The following KDM5C variants were observed in gnomAD, a reference collection of about 807,000 sequenced individuals.
KDM5C encodes the protein lysine-specific demethylase 5C.
In KDM5C, 16 loss-of-function variants were observed where a neutral mutation model predicts 110.6. The ratio of observed to expected loss-of-function variants is 0.14; its 90% CI spans 0.10 to 0.22. The LOEUF (loss-of-function observed/expected upper bound fraction) is 0.22. KDM5C is among the 10% of genes least tolerant of loss of function. KDM5C has a pLI of 1.00. For missense variants in KDM5C, 681 were observed against 1,300.9 expected (o/e 0.52, Z 7.33); for synonymous variants, 511 against 520.4 (o/e 0.98, Z 0.24).
At chrX:53,216,280 T>C in intron 5 of KDM5C, 83 bp from the exon 6 acceptor site, 9 of 1,152,308 alleles carry the variant, frequency 7.8e-6, no homozygotes, top group Non-Finnish European at 9.4e-6. Flanking sequence ...TCGGACTACA[T>C]ATCACCTGAT....
chrX:53,195,874 A>G (rs1556836301), intron 20 of KDM5C, 42 bp downstream of exon 20: 1 of 1,192,485 alleles, frequency 8.4e-7, no homozygotes, highest in Admixed American at 2.2e-5. Context: ...ATCTCTTCCC[A>G]GCTGGACTGA....
At chrX:53,220,334 C>G (rs2073862136) in intron 2 of KDM5C, among the ~76,000 whole-genome samples, 1 of 111,884 alleles carries the variant, frequency 8.9e-6, no homozygotes, top group Non-Finnish European at 1.9e-5. Flanking sequence ...GACCCCTGGC[C>G]AAGTCTCTAA....
Position 53,217,783 on chromosome X carries a change from G to C in KDM5C, c.522+13C>G, listed in dbSNP as rs1569279962. On this transcript the variant is annotated intron_variant, in intron 4 of 25. Coordinates refer to ENST00000375401, the MANE Select transcript of KDM5C (RefSeq NM_004187.5). ...GGGTAAAGCCGCACCCTGCCCCACT[G>C]TGACATCCTTACCACAAGGTTGGCT... The C allele has an allele frequency of 1.7e-6, 2 of 1,210,282 alleles. No individual in the cohort carries two copies. Among genetic ancestry groups the C allele is most frequent in the Non-Finnish European group, 2.2e-6 (2 of 894,107 alleles).
chrX:53,204,652 A>G (rs1273304667), intron 12 of KDM5C, among the ~76,000 whole-genome samples: 1 of 111,000 alleles, frequency 9.0e-6, no homozygotes, highest in Non-Finnish European at 1.9e-5. Context: ...ATCCGCCACC[A>G]TGCCCGGCTA....
At chrX:53,195,126 T>C in intron 21 of KDM5C, 58 bp from the exon 22 acceptor site, 1 of 1,182,141 alleles carries the variant, frequency 8.5e-7, no homozygotes, top group Admixed American at 2.3e-5. Context: ...CCCCGCCTCC[T>C]TCCCTCCCTG....
At position 53,194,303 on chromosome X, in the gene KDM5C, C is replaced by T. The variant is rs782288948; in HGVS notation, c.3874G>A (p.Ala1292Thr). Residue 1292 changes from alanine to threonine, a missense_variant, in exon 23 of 26, where the codon GCC becomes ACC. Transcript: ENST00000375401. Reference sequence around the variant, plus strand: ...TCTTCAGAGGCCAGAGCCTGCCTGGCGCGGCCTTGCCAGCTGATGGCCCTC... The same window carrying T: ...TCTTCAGAGGCCAGAGCCTGCCTGGTGCGGCCTTGCCAGCTGATGGCCCTC... ...TERAISWQGR[A>T]RQALASEDVT... 2.5e-6 allele frequency: 3 copies of T among 1,212,080 alleles called. No homozygotes were observed. The highest frequency in any genetic ancestry group is 1.1e-6 in the Non-Finnish European group (1 of 895,450).
chrX:53,198,630 T>C lies in KDM5C; in HGVS notation c.2376A>G (p.Glu792=). ...CTTCAGACTCTAGTGCCCTCAGTTCTTCAAGGCCTGGAAGAAAAATGAGGG... is the reference window on the plus strand; with the variant it reads ...CTTCAGACTCTAGTGCCCTCAGTTCCTCAAGGCCTGGAAGAAAAATGAGGG... The part of the protein sequence containing the change: ...EVEDGRKRSL[E]ELRALESEAR... Residue 792 remains glutamate (E), a synonymous_variant, in exon 17 of 26, where the codon GAA becomes GAG. Transcript: ENST00000375401. The C allele has an allele frequency of 8.3e-7, 1 of 1,211,845 alleles. No individual in the cohort carries two copies.
chrX:53,192,881 C>CCCCCCCCACAAACA lies in KDM5C; in HGVS notation c.*85_*86insTGTTTGTGGGGGGG. 9.5e-7 allele frequency: 1 copy of CCCCCCCCACAAACA among 1,054,430 alleles called. No homozygotes were observed. Among genetic ancestry groups the CCCCCCCCACAAACA allele is most frequent in the Non-Finnish European group, 1.2e-6 (1 of 802,814 alleles). The allele number at this position is 1,054,430 out of a possible 1,213,427, so 86.9% of individuals were successfully genotyped here. A position where few individuals can be genotyped will look rare whatever the true frequency, so the allele number is the denominator to read the frequency against. ...TGGCCACCCCCCTACCCGCCCACCCCCCAAGAAGCAGGCTTGATGGTCAGA... is the reference window on the plus strand; with the variant it reads ...TGGCCACCCCCCTACCCGCCCACCCCCCCCCCCACAAACACCAAGAAGCAGGCTTGATGGTCAGA... On this transcript the variant is annotated 3_prime_UTR_variant, in exon 26 of 26. Transcript: ENST00000375401.
chrX:53,177,188 A>G (rs56766251), intron 25 of KDM5C, among the ~76,000 whole-genome samples: 1,326 of 111,263 alleles, frequency 0.012, 21 homozygotes, highest in African/African-American at 0.041. Context: ...ACTGTTCTAA[A>G]GCTTTTAAAT....
chrX:53,178,709 G>A (rs1331815510), intron 25 of KDM5C, among the ~76,000 whole-genome samples: 11 of 112,516 alleles, frequency 9.8e-5, no homozygotes, highest in African/African-American at 3.2e-4. Context: ...CCTTGGGTAT[G>A]GCAATAACTT....
rs954001000 is a variant in KDM5C, at chrX:53,193,659, G to A, written c.4118-23C>T. On this transcript the variant is annotated intron_variant, in intron 24 of 25. Coordinates refer to ENST00000375401, the MANE Select transcript of KDM5C (RefSeq NM_004187.5). ...GATCTAGGAGGTTGCAGGAACAAGC[G>A]GCATTAGAGGCTGCCCTTGGTCTTA... 1.8e-5 allele frequency: 21 copies of A among 1,198,188 alleles called. No individual in the cohort carries two copies. The East Asian group carries it at 3.0e-4, about 17-fold the overall frequency.
intron 8 of KDM5C, among the ~76,000 whole-genome samples, chrX:53,213,539 T>C (rs1036267705): frequency 1.8e-5 from 2 of 111,508 alleles, no homozygotes; most frequent in Non-Finnish European, 1.9e-5. Context: ...TCCTGGCTGC[T>C]TGGCCCTTAC....
At chrX:53,224,712 G>A (rs1556856087) in intron 1 of KDM5C, 28 bp downstream of exon 1, 3 of 1,209,000 alleles carry the variant, frequency 2.5e-6, no homozygotes, top group African/African-American at 3.5e-5. Flanking sequence ...CCGTCTCGCC[G>A]CCGGCGAAAA....
At chrX:53,222,504 G>A (rs782302864) in intron 1 of KDM5C, among the ~76,000 whole-genome samples, 6 of 110,629 alleles carry the variant, frequency 5.4e-5, no homozygotes, top group Non-Finnish European at 7.6e-5. Flanking sequence ...CCAAAACTCC[G>A]GGCACCCTTC....
intron 1 of KDM5C, 77 bp downstream of exon 1, chrX:53,224,663 C>A: frequency 1.7e-6 from 2 of 1,148,588 alleles, no homozygotes; most frequent in Non-Finnish European, 2.4e-6. Context: ...AGCTGCCCTC[C>A]GCCCCAGACT....
At position 53,198,745 on chromosome X, in the gene KDM5C, C is replaced by T; in HGVS notation, c.2368+19G>A. ...ATAGAACTTGCCTGTGGAGTCCCTCCATCCCCCCCATCACTCACTGCGCTT... is the reference window on the plus strand; with the variant it reads ...ATAGAACTTGCCTGTGGAGTCCCTCTATCCCCCCCATCACTCACTGCGCTT... On this transcript the variant is annotated intron_variant, in intron 16 of 25. Coordinates refer to ENST00000375401, the MANE Select transcript of KDM5C (RefSeq NM_004187.5). 4.1e-6 allele frequency: 5 copies of T among 1,212,009 alleles called. No individual in the cohort carries two copies. The highest frequency in any genetic ancestry group is 5.6e-6 in the Non-Finnish European group (5 of 895,460).
chrX:53,200,823 A>G (rs1234235947), intron 14 of KDM5C, among the ~76,000 whole-genome samples: 1 of 112,448 alleles, frequency 8.9e-6, no homozygotes, highest in Non-Finnish European at 1.9e-5. Context: ...AGTGGACTTT[A>G]GAGCTCTGTA....
At chrX:53,214,943 C>A in intron 7 of KDM5C, 96 bp from the exon 8 acceptor site, 1 of 969,287 alleles carries the variant, frequency 1.0e-6, no homozygotes, top group South Asian at 2.0e-5. Flanking sequence ...CATGCTAGGT[C>A]TGGAGCTCAA....
chrX:53,199,174 C>T lies in KDM5C; in HGVS notation c.2062-16G>A. The T allele has an allele frequency of 8.3e-7, 1 of 1,208,068 alleles. No homozygotes were observed. The highest frequency in any genetic ancestry group is 2.3e-4 in the Middle Eastern group (1 of 4,347). On this transcript the variant is annotated splice_polypyrimidine_tract_variant and intron_variant, in intron 14 of 25. Transcript: ENST00000375401. ...CTGTGATACCCTAAGGGCATTTAACCTATGCGTTATATATAACCAGAACCA... is the reference window on the plus strand; with the variant it reads ...CTGTGATACCCTAAGGGCATTTAACTTATGCGTTATATATAACCAGAACCA...
Sources: gnomAD v4.1 joint callset for allele counts (sites outside exome capture counted in the v4.1 genomes callset) on GRCh38, gnomAD v4.1.1 for gene constraint, MANE v1.5 for transcripts, NCBI Gene and HGNC (gene_info 2026-07-23, HGNC 2026-07-21) for gene names.